CEL: variants seen among roughly 807,000 people sequenced by gnomAD.
CEL encodes the protein carboxyl ester lipase, also known as bile salt-activated lipase.
Under a neutral mutation model 57.1 loss-of-function variants are expected in CEL, and 39 were observed. The observed-to-expected ratio is 0.68, with a 90% CI of 0.53 to 0.89. CEL has a LOEUF of 0.89. Ranked by LOEUF, CEL falls within the 40% of genes least tolerant of loss-of-function variation. The probability of loss-of-function intolerance (pLI) is 0.00; values close to 1 mark genes in which losing one functional copy is unlikely to be tolerated. For missense variants in CEL, 698 were observed against 915.0 expected, an observed-to-expected ratio of 0.76 and a Z score of 3.06; for synonymous variants, 314 against 396.6, an observed-to-expected ratio of 0.79 and a Z score of 2.48.
rs371785864 is a variant in CEL at position 133,070,975 on chromosome 9, C to T, written c.1485-12C>T. On this transcript the variant is annotated splice_polypyrimidine_tract_variant and intron_variant, in intron 10 of 10. Coordinates refer to ENST00000372080, the MANE Select transcript of CEL (RefSeq NM_001807.6). Reference sequence around the variant, plus strand: ...GTCCCCAGCCCCTGCACAGCCTCTTCTCACTCTGCAGGGACCCCAACATGG... The same window carrying T: ...GTCCCCAGCCCCTGCACAGCCTCTTTTCACTCTGCAGGGACCCCAACATGG... The T allele has an allele frequency of 3.0e-4, 482 of 1,613,188 alleles. 4 individuals are homozygous for T. In the African/African-American group the frequency reaches 6.0e-3, roughly 20 times the overall value.
intron 10 of CEL, 102 bp from the exon 11 acceptor site, chr9:133,070,885 G>A: frequency 7.0e-7 from 1 of 1,420,994 alleles, no homozygotes; most frequent in Non-Finnish European, 9.8e-7. Flanking sequence ...GGTGCCCAGG[G>A]CCAGCTCAGA....
At position 133,071,170 on chromosome 9, in the gene CEL, G is replaced by C. The variant is rs1032966419; in HGVS notation, c.1668G>C (p.Glu556Asp). 8.1e-6 allele frequency: 13 copies of C among 1,607,654 alleles called. No homozygotes were observed. The African/African-American group carries it at 1.6e-4, about 20-fold the overall frequency. Residue 556 changes from glutamate (E) to aspartate (D), a missense_variant, in exon 11 of 11, where the codon GAG (glutamate) becomes GAC (aspartate). Transcript: ENST00000372080. The stretch of plus-strand genomic sequence containing the variant: ...CGCTGCCCACAGTGACCGACCAGGA[G>C]GCCACCCCTGTGCCCCCCACAGGGG... ...YLALPTVTDQ[E>D]ATPVPPTGDS...
chr9:133,065,226 C>T lies in CEL; in HGVS notation c.527C>T (p.Ala176Val), dbSNP rs1830158246. The T allele has an allele frequency of 6.2e-7, 1 of 1,613,118 alleles. No individual in the cohort carries two copies. Among genetic ancestry groups the T allele is most frequent in the Non-Finnish European group, 8.5e-7 (1 of 1,180,012 alleles). ...GPLGFLSTGD[A>V]NLPGNYGLRD... The stretch of plus-strand genomic sequence containing the variant: ...CTTGGGTTCCTCAGCACTGGGGACG[C>T]CAATCTGCCAGGTGCGTGGGTGCCT... The change falls in exon 4 of 11, where the codon GCC (alanine) becomes GTC (valine). Residue 176 changes from alanine (A) to valine (V), a missense_variant. Around this residue, in one of 6 missense-constraint regions of CEL, gnomAD observed 327 missense variants for 374.1 expected, o/e 0.87. Transcript: ENST00000372080.
In CEL at chr9:133,070,622, C is replaced by T. The variant is rs766688214; in HGVS notation, c.1448C>T (p.Ala483Val). 2.3e-5 allele frequency: 37 copies of T among 1,614,090 alleles called. No homozygotes were observed. In the Admixed American group the frequency reaches 2.8e-4, roughly 12 times the overall value. The change falls in exon 10 of 11, where the codon GCC (alanine) becomes GTC (valine). Residue 483 changes from alanine to valine, a missense_variant. Ala to Val is a moderately conservative substitution (Grantham distance 64). Coordinates refer to ENST00000372080, the MANE Select transcript of CEL (RefSeq NM_001807.6). ...CCCCAAGACAGGACAGTCTCTAAGG[C>T]CATGATCGCCTACTGGACCAACTTT... ...YRPQDRTVSK[A>V]MIAYWTNFAK...
rs750951833 is a variant in CEL, at chr9:133,065,012, G to A, written c.341-28G>A. On this transcript the variant is annotated intron_variant, in intron 3 of 10. Coordinates refer to ENST00000372080, the MANE Select transcript of CEL (RefSeq NM_001807.6). The stretch of plus-strand genomic sequence containing the variant: ...GGAGACAGGGCCAGGCGGGGCGTCT[G>A]GGGTCACCAGCCGCTCCCCCATCTC... The A allele has an allele frequency of 2.1e-5, 33 of 1,602,800 alleles. No homozygotes were observed. The South Asian group carries it at 3.3e-4, about 16-fold the overall frequency.
chr9:133,068,880 CA>C (rs777939790), intron 8 of CEL, 22 bp downstream of exon 8: 153 of 1,302,324 alleles, frequency 1.2e-4, no homozygotes, highest in Non-Finnish European at 1.5e-4. Context: ...GCACAGGACT[CA>C]GGGGCGACCC....
In CEL at chr9:133,065,164, C is replaced by A. The variant is rs766325557; in HGVS notation, c.465C>A (p.Asn155Lys). The change falls in exon 4 of 11, where the codon AAC becomes AAA. Residue 155 changes from asparagine to lysine, a missense_variant. Asn to Lys is a moderately conservative substitution (Grantham distance 94). Coordinates refer to ENST00000372080, the MANE Select transcript of CEL (RefSeq NM_001807.6). Reference sequence around the variant, plus strand: ...GCGAGGAGATCGCCACACGCGGAAACGTCATCGTGGTCACCTTCAACTACC... The same window carrying A: ...GCGAGGAGATCGCCACACGCGGAAAAGTCATCGTGGTCACCTTCAACTACC... Reference protein sequence around the residue: ...YDGEEIATRGNVIVVTFNYRV... With the variant: ...YDGEEIATRGKVIVVTFNYRV... 2.0e-5 allele frequency: 32 copies of A among 1,613,630 alleles called. No individual in the cohort carries two copies. Among genetic ancestry groups the A allele is most frequent in the Non-Finnish European group, 2.4e-5 (28 of 1,180,050 alleles).
Position 133,064,644 on chromosome 9 carries a change from C to T in CEL, c.222C>T (p.Thr74=), listed in dbSNP as rs377751845. The change falls in exon 3 of 11, where the codon ACC becomes ACT. Residue 74 remains threonine, a synonymous_variant. Transcript: ENST00000372080. The part of the protein sequence containing the change: ...NPQPHPGWQG[T]LKAKNFKKRC... ...GCCAACTCCTGCCACCTGCAGGGACCCTGAAGGCCAAGAACTTCAAGAAGA... is the reference window on the plus strand; with the variant it reads ...GCCAACTCCTGCCACCTGCAGGGACTCTGAAGGCCAAGAACTTCAAGAAGA... The T allele has an allele frequency of 3.1e-6, 5 of 1,613,804 alleles. No individual in the cohort carries two copies. The highest frequency in any genetic ancestry group is 2.7e-5 in the African/African-American group (2 of 74,910).
intron 8 of CEL, 59 bp from the exon 9 acceptor site, chr9:133,068,997 T>C: frequency 6.2e-7 from 1 of 1,605,816 alleles, no homozygotes; most frequent in East Asian, 2.2e-5. Context: ...TCGGGGTGAG[T>C]ATGCACACAC....
Position 133,065,104 on chromosome 9 carries a change from T to C in CEL, c.405T>C (p.His135=), listed in dbSNP as rs1161163598. The change falls in exon 4 of 11, where the codon CAT becomes CAC. Residue 135 remains histidine (H), a synonymous_variant. Transcript: ENST00000372080. The part of the protein sequence containing the change: ...YGGAFLMGSG[H]GANFLNNYLY... ...GCGCCTTCCTCATGGGGTCCGGCCA[T>C]GGGGCCAACTTCCTCAACAACTACC... 6.2e-7 allele frequency: 1 copy of C among 1,613,844 alleles called. No homozygotes were observed. The highest frequency in any genetic ancestry group is 8.5e-7 in the Non-Finnish European group (1 of 1,180,044).
intron 7 of CEL, 25 bp downstream of exon 7, chr9:133,067,230 A>G (rs754415944): frequency 2.5e-6 from 4 of 1,604,540 alleles, no homozygotes; most frequent in Middle Eastern, 1.7e-4. Flanking sequence ...GGGTTGGCCC[A>G]TGGGGTCTCG....
rs1455637912 is a variant in CEL at position 133,064,733 on chromosome 9, A to C, written c.311A>C (p.Asn104Thr). 1 of 1,613,938 alleles carries C rather than the reference A, an allele frequency of 6.2e-7. No individual in the cohort carries two copies. Among genetic ancestry groups the C allele is most frequent in the African/African-American group, 1.3e-5 (1 of 74,924 alleles). ...GGGGATGAAGACTGCCTGTACCTCA[A>C]CATTTGGGTGCCCCAGGGCAGGAAG... ...TYGDEDCLYL[N>T]IWVPQGRKQV... Residue 104 changes from asparagine to threonine, a missense_variant, in exon 3 of 11, where the codon AAC becomes ACC. Asn to Thr is a moderately conservative substitution (Grantham distance 65, BLOSUM62 0). This residue lies in a region of CEL where 327 missense variants were observed against 374.1 expected (regional missense o/e 0.87). Coordinates refer to ENST00000372080, the MANE Select transcript of CEL (RefSeq NM_001807.6).
Position 133,071,437 on chromosome 9 carries a change from C to T in CEL, c.1935C>T (p.Ala645=), listed in dbSNP as rs1830268327. Reference sequence around the variant, plus strand: ...TGCCGCCCACGGGTGACTCCGGGGCCCCCCCCGTGCCGCCCACGGGTGACT... The same window carrying T: ...TGCCGCCCACGGGTGACTCCGGGGCTCCCCCCGTGCCGCCCACGGGTGACT... ...PPVPPTGDSG[A]PPVPPTGDSG... is the part of the protein sequence containing the mutation. Residue 645 remains alanine (A), a synonymous_variant, in exon 11 of 11, where the codon GCC becomes GCT. Transcript: ENST00000372080. The T allele has an allele frequency of 1.6e-5, 2 of 128,284 alleles. No individual in the cohort carries two copies. Among genetic ancestry groups the T allele is most frequent in the Non-Finnish European group, 2.6e-5 (2 of 76,160 alleles). 7.9% of individuals were successfully genotyped at this position (128,284 alleles called of 1,614,324 possible).
intron 7 of CEL, among the ~76,000 whole-genome samples, 164 bp downstream of exon 7, chr9:133,067,369 G>C (rs1042567021): frequency 3.3e-5 from 5 of 152,024 alleles, no homozygotes; most frequent in African/African-American, 1.2e-4. Context: ...TAAGGGAGAG[G>C]GGGTGCCGTT....
In CEL at chr9:133,070,457, C is replaced by T. The variant is rs770776201; in HGVS notation, c.1287-4C>T. On this transcript the variant is annotated splice_region_variant and splice_polypyrimidine_tract_variant and intron_variant, in intron 9 of 10. Coordinates refer to ENST00000372080, the MANE Select transcript of CEL (RefSeq NM_001807.6). ...TGCCTACTTGGGTGGTCTCTCCCCT[C>T]CAGGAGTGCCAAGACCTACGCCTAC... is the stretch of plus-strand genomic sequence containing the variant. The T allele has an allele frequency of 4.3e-6, 7 of 1,612,500 alleles. No homozygotes were observed. The highest frequency in any genetic ancestry group is 1.7e-5 in the Admixed American group (1 of 59,838).
intron 9 of CEL, among the ~76,000 whole-genome samples, chr9:133,069,564 T>C (rs1830232544): frequency 1.3e-5 from 2 of 151,302 alleles, no homozygotes; most frequent in South Asian, 4.1e-4. Flanking sequence ...CTGTGTGCAC[T>C]GAGAGAACAC....
At chr9:133,069,783 C>T (rs904752908) in intron 9 of CEL, among the ~76,000 whole-genome samples, 1 of 151,994 alleles carries the variant, frequency 6.6e-6, no homozygotes, top group African/African-American at 2.4e-5. Flanking sequence ...CTAGTCTGGC[C>T]AACATGGCAA....
Position 133,065,027 on chromosome 9 carries a change from T to G in CEL, c.341-13T>G. 1 of 1,609,754 alleles carries G rather than the reference T, an allele frequency of 6.2e-7. No homozygotes were observed. Among genetic ancestry groups the G allele is most frequent in the African/African-American group, 1.3e-5 (1 of 74,428 alleles). On this transcript the variant is annotated splice_polypyrimidine_tract_variant and intron_variant, in intron 3 of 10. Transcript: ENST00000372080. ...CGGGGCGTCTGGGGTCACCAGCCGC[T>G]CCCCCATCTCAGTCTCCCGGGACCT...
Position 133,071,502 on chromosome 9 carries a change from C to T in CEL, c.2000C>T (p.Ala667Val), listed in dbSNP as rs774709720. The change falls in exon 11 of 11, where the codon GCC becomes GTC. Residue 667 changes from alanine to valine, a missense_variant. Transcript: ENST00000372080. ...PPVPPTGDSG[A>V]PPVPPTGDAG... ...GTGCCGCCCACGGGTGACTCCGGCG[C>T]CCCCCCCGTGCCGCCCACGGGTGAC... is the stretch of plus-strand genomic sequence containing the variant. 4.5e-6 allele frequency: 3 copies of T among 668,272 alleles called. No individual in the cohort carries two copies. Among genetic ancestry groups the T allele is most frequent in the Non-Finnish European group, 6.2e-6 (3 of 487,310 alleles). 41.4% of individuals were successfully genotyped at this position (668,272 alleles called of 1,614,324 possible).
Sources: gnomAD v4.1 joint callset for allele counts (sites outside exome capture counted in the v4.1 genomes callset) on GRCh38, gnomAD v4.1.1 for gene constraint, gnomAD v4.1.1 regional missense constraint, MANE v1.5 for transcripts, NCBI Gene and HGNC (gene_info 2026-07-23, HGNC 2026-07-21) for gene names.